GJB6: variants seen among roughly 807,000 people sequenced by gnomAD.
GJB6 encodes the protein gap junction protein beta 6, also known as gap junction beta-6 protein.
GJB6 carries 5 observed loss-of-function variants against 5.4 expected under a neutral mutation model. The ratio of observed to expected loss-of-function variants is 0.92; its 90% CI spans 0.48 to 1.93. GJB6 has a LOEUF of 1.93. Among genes scored for constraint, GJB6 ranks in the 30% most tolerant of loss-of-function variants. GJB6 has a pLI of 0.01. For missense variants in GJB6, 298 were observed against 326.9 expected, an observed-to-expected ratio of 0.91 and a Z score of 0.68; for synonymous variants, 136 against 129.6, an observed-to-expected ratio of 1.05 and a Z score of -0.34.
chr13:20,227,274 A>T (rs1293419293), intron 4 of GJB6, among the ~76,000 whole-genome samples: 5 of 152,154 alleles, frequency 3.3e-5, no homozygotes, highest in Admixed American at 3.3e-4. Context: ...TCTGTTTCAC[A>T]ATGCGCGCTT....
At chr13:20,224,742 A>C (rs1026423795) in intron 4 of GJB6, among the ~76,000 whole-genome samples, 5 of 152,178 alleles carry the variant, frequency 3.3e-5, no homozygotes, top group Non-Finnish European at 7.4e-5. Flanking sequence ...ACCCTTTGAA[A>C]ATTTTCAGAA....
rs995918826 is a variant in GJB6 at position 20,222,227 on chromosome 13, G to A, written c.*468C>T. 8.9e-5 allele frequency: 15 copies of A among 168,314 alleles called. 1 individual carries two copies. The highest frequency in any genetic ancestry group is 7.4e-4 in the Admixed American group (13 of 17,678). The allele number at this position is 168,314 out of a possible 1,614,324, so 10.4% of individuals were successfully genotyped here. A position where few individuals can be genotyped will look rare whatever the true frequency, so the allele number is the denominator to read the frequency against. On this transcript the variant is annotated 3_prime_UTR_variant, in exon 5 of 5. Transcript: ENST00000647029. ...GTAAGTTCCAAATTTAGATACTTGTGGTGTAATTCTAAAACTAACATCGCA... is the reference window on the plus strand; with the variant it reads ...GTAAGTTCCAAATTTAGATACTTGTAGTGTAATTCTAAAACTAACATCGCA...
In GJB6 at chr13:20,222,562, A is replaced by T. The variant is rs1869244245; in HGVS notation, c.*133T>A. On this transcript the variant is annotated 3_prime_UTR_variant, in exon 5 of 5. Transcript: ENST00000647029. The stretch of plus-strand genomic sequence containing the variant: ...TGGAGCAAGTATCCTACAAAAAGTT[A>T]ACTCAAGTGTCTATTTATTATGAAA... The T allele has an allele frequency of 1.3e-6, 1 of 743,512 alleles. No individual in the cohort carries two copies. The highest frequency in any genetic ancestry group is 2.5e-5 in the East Asian group (1 of 40,274). The allele number at this position is 743,512 out of a possible 1,614,324, so 46.1% of individuals were successfully genotyped here.
chr13:20,228,508 G>T (rs1411291792), intron 4 of GJB6, among the ~76,000 whole-genome samples: 40 of 150,670 alleles, frequency 2.7e-4, no homozygotes, highest in Non-Finnish European at 4.0e-4. Context: ...TTTTGAGATG[G>T]AGTCTAGCTC....
rs1017893518 is a variant in GJB6 at position 20,223,694 on chromosome 13, G to A, written c.-15-199C>T. On this transcript the variant is annotated intron_variant, in intron 4 of 4. Coordinates refer to ENST00000647029, the MANE Select transcript of GJB6 (RefSeq NM_001110219.3). ...AGCATTCTCATGTTTGGCCAGGTGT[G>A]GTGGCTCACGCCTGGAAACCCAGCA... Among the ~76,000 whole-genome samples the A allele has an allele frequency of 3.9e-5, 6 of 152,162 alleles. No individual in the cohort carries two copies. In the East Asian group the frequency reaches 9.6e-4, roughly 24 times the overall value.
chr13:20,228,691 AGCCAGGATG>A (rs1566542240), intron 4 of GJB6, among the ~76,000 whole-genome samples: 26 of 35,812 alleles, frequency 7.3e-4, no homozygotes, highest in Non-Finnish European at 1.9e-3. Context: ...TCACCGTGTT[AGCCAGGATG>A]GTCTCGATCT....
intron 1 of GJB6, chr13:20,231,954 C>T (rs1263892298): frequency 2.0e-5 from 3 of 152,508 alleles, no homozygotes; most frequent in Non-Finnish European, 2.9e-5. Context: ...GGCGCGTGGA[C>T]AGGAGGGTGC....
At position 20,222,917 on chromosome 13, in the gene GJB6, C is replaced by A; in HGVS notation, c.564G>T (p.Lys188Asn). Residue 188 changes from lysine to asparagine, a missense_variant, in exon 5 of 5, where the codon AAG (lysine) becomes AAT (asparagine). By Grantham distance (94) the Lys-to-Asn change is moderately conservative. Coordinates refer to ENST00000647029, the MANE Select transcript of GJB6 (RefSeq NM_001110219.3). ...VDCFISRPTE[K>N]TVFTIFMISA... is the part of the protein sequence containing the mutation. ...AAATCATAAAAATGGTAAACACGGT[C>A]TTCTCTGTTGGCCTAGAAATAAAGC... 6.2e-7 allele frequency: 1 copy of A among 1,614,104 alleles called. No homozygotes were observed. The highest frequency in any genetic ancestry group is 8.5e-7 in the Non-Finnish European group (1 of 1,179,978).
At chr13:20,230,282 AAAC>A (rs1477610519) in intron 3 of GJB6, among the ~76,000 whole-genome samples, 1 of 152,224 alleles carries the variant, frequency 6.6e-6, no homozygotes, top group Non-Finnish European at 1.5e-5. Flanking sequence ...AATAAAAATG[AAAC>A]GTTTCTGTCT....
At chr13:20,223,571 G>A (rs1869378782) in intron 4 of GJB6, 76 bp from the exon 5 acceptor site, 7 of 1,112,394 alleles carry the variant, frequency 6.3e-6, no homozygotes, top group Non-Finnish European at 9.6e-6. Flanking sequence ...ATTACAGACT[G>A]AAGCCAACTT....
At chr13:20,231,908 C>T (rs1870107910) in intron 1 of GJB6, among the ~76,000 whole-genome samples, 1 of 152,238 alleles carries the variant, frequency 6.6e-6, no homozygotes, top group African/African-American at 2.4e-5. Flanking sequence ...GAGGGTCCAG[C>T]GCGGGCGGCG....
intron 4 of GJB6, among the ~76,000 whole-genome samples, chr13:20,226,380 G>A (rs1308951597): frequency 6.6e-6 from 1 of 151,948 alleles, no homozygotes; most frequent in Non-Finnish European, 1.5e-5. Flanking sequence ...CTGTGTGAGT[G>A]TCTGCTGGGG....
In GJB6 at chr13:20,226,013, C is replaced by T. The variant is rs144551491; in HGVS notation, c.-15-2518G>A. ...CAGGCTGTGTGAAGGGAACAGAGTG[C>T]TGGGCTCCCCGGGCAGCCCACATTG... On this transcript the variant is annotated intron_variant, in intron 4 of 4. Transcript: ENST00000647029. Among the ~76,000 whole-genome samples, 225 of 152,210 alleles carry T rather than the reference C, an allele frequency of 1.5e-3. 2 individuals carry two copies. The highest frequency in any genetic ancestry group is 5.4e-3 in the African/African-American group (223 of 41,526).
At chr13:20,228,549 T>C (rs1239846766) in intron 4 of GJB6, among the ~76,000 whole-genome samples, 1 of 151,782 alleles carries the variant, frequency 6.6e-6, no homozygotes, top group Non-Finnish European at 1.5e-5. Context: ...CGTGGCACGA[T>C]CTCGGCTCAC....
At chr13:20,228,728 C>T (rs1256675202) in intron 4 of GJB6, among the ~76,000 whole-genome samples, 2 of 151,464 alleles carry the variant, frequency 1.3e-5, no homozygotes, top group African/African-American at 2.4e-5. Flanking sequence ...TCATGATCCG[C>T]CCCCCTTGGC....
At chr13:20,228,536 T>G (rs1272005308) in intron 4 of GJB6, among the ~76,000 whole-genome samples, 1 of 151,528 alleles carries the variant, frequency 6.6e-6, no homozygotes, top group Non-Finnish European at 1.5e-5. Context: ...CAAGCTGGAG[T>G]ACCGTGGCAC....
intron 4 of GJB6, among the ~76,000 whole-genome samples, chr13:20,228,594 C>G (rs1037163975): frequency 4.7e-5 from 7 of 148,950 alleles, no homozygotes; most frequent in African/African-American, 1.7e-4. Context: ...CGCCGTTCTC[C>G]CGCCTCAGCC....
intron 4 of GJB6, among the ~76,000 whole-genome samples, 160 bp from the exon 5 acceptor site, chr13:20,223,655 A>G (rs1455948894): frequency 6.6e-6 from 1 of 152,126 alleles, no homozygotes; most frequent in Non-Finnish European, 1.5e-5. Context: ...CTGAAAAGGA[A>G]TGCCCACCCT....
intron 1 of GJB6, 137 bp from the exon 2 acceptor site, chr13:20,231,642 G>A (rs566888884): frequency 1.3e-5 from 2 of 152,156 alleles, no homozygotes; most frequent in Non-Finnish European, 2.9e-5. Context: ...CCCAAGTTGA[G>A]GGTTTGTCTG....
Sources: gnomAD v4.1 joint callset for allele counts (sites outside exome capture counted in the v4.1 genomes callset) on GRCh38, gnomAD v4.1.1 for gene constraint, MANE v1.5 for transcripts, NCBI Gene and HGNC (gene_info 2026-07-23, HGNC 2026-07-21) for gene names.